GPC5: variants seen among roughly 807,000 people sequenced by gnomAD.
GPC5 encodes the protein glypican 5, also known as glypican-5.
In GPC5, 47 loss-of-function variants were observed where a neutral mutation model predicts 53.9. That is an observed-to-expected ratio of 0.87 (90% CI 0.69 to 1.11). The LOEUF (loss-of-function observed/expected upper bound fraction) is 1.11. Among genes scored for constraint, GPC5 ranks in the 50% most tolerant of loss-of-function variants. The pLI is 0.00. For missense variants in GPC5, 748 were observed against 713.1 expected, an observed-to-expected ratio of 1.05 and a Z score of -0.56; for synonymous variants, 286 against 263.3, an observed-to-expected ratio of 1.09 and a Z score of -0.84.
intron 7 of GPC5, among the ~76,000 whole-genome samples, chr13:92,494,076 G>GTTTGT (rs1555338609): frequency 6.1e-4 from 85 of 140,254 alleles, no homozygotes; most frequent in African/African-American, 1.8e-3. Context: ...TTGTTTGTTT[G>GTTTGT]TTTGTTTTGT....
rs779626956 is a variant in GPC5, at chr13:91,693,523, C to T, written c.662C>T (p.Pro221Leu). Residue 221 changes from proline (P) to leucine (L), a missense_variant, in exon 3 of 8, where the codon CCC becomes CTC. Coordinates refer to ENST00000377067, the MANE Select transcript of GPC5 (RefSeq NM_004466.6). ...GGACAGATGGGGAGGTCCCTGCTGC[C>T]CAGCCGCACTTTTCTGCAGGCACTC... ...VMGQMGRSLL[P>L]SRTFLQALNL... 2 of 1,614,030 alleles carry T rather than the reference C, an allele frequency of 1.2e-6. No individual in the cohort carries two copies. Among genetic ancestry groups the T allele is most frequent in the Non-Finnish European group, 1.7e-6 (2 of 1,179,996 alleles).
rs553095103 is a variant in GPC5 at position 91,407,907 on chromosome 13, A to T, written c.163+8698A>T. On this transcript the variant is annotated intron_variant, in intron 1 of 7. Coordinates refer to ENST00000377067, the MANE Select transcript of GPC5 (RefSeq NM_004466.6). ...TTAGAAATATTTATCTAATCTTTTT[A>T]AAAAATTTATTTTAAATCGACAGAT... is the stretch of plus-strand genomic sequence containing the variant. Among the ~76,000 whole-genome samples the T allele has an allele frequency of 3.9e-5, 6 of 152,312 alleles. No homozygotes were observed. In the South Asian group the frequency reaches 1.2e-3, roughly 32 times the overall value.
intron 6 of GPC5, among the ~76,000 whole-genome samples, chr13:92,035,225 A>AG (rs2040883412): frequency 6.6e-6 from 1 of 151,498 alleles, no homozygotes; most frequent in Non-Finnish European, 1.5e-5. Context: ...AAAAAAAAAA[A>AG]AAAAAAAGTT....
intron 2 of GPC5, among the ~76,000 whole-genome samples, chr13:91,464,806 C>T (rs1308632880): frequency 6.6e-6 from 1 of 151,934 alleles, no homozygotes; most frequent in Non-Finnish European, 1.5e-5. Flanking sequence ...TTGCATAGCA[C>T]TACACACACA....
intron 7 of GPC5, among the ~76,000 whole-genome samples, chr13:92,267,878 A>G (rs1271358467): frequency 1.3e-5 from 2 of 152,058 alleles, no homozygotes; most frequent in South Asian, 2.1e-4. Flanking sequence ...AATAGAATAA[A>G]AAATTTTTAG....
chr13:91,426,207 C>G (rs1202763133), intron 1 of GPC5, among the ~76,000 whole-genome samples: 2 of 152,036 alleles, frequency 1.3e-5, no homozygotes, highest in East Asian at 3.9e-4. Context: ...ACCACCAAGA[C>G]AACGGGGAAA....
chr13:92,052,660 T>G (rs1379859524), intron 6 of GPC5, among the ~76,000 whole-genome samples: 1 of 152,182 alleles, frequency 6.6e-6, no homozygotes, highest in African/African-American at 2.4e-5. Context: ...CACAGAGTGC[T>G]GATTGGTGAG....
chr13:91,658,958 G>C (rs2034917057), intron 2 of GPC5, among the ~76,000 whole-genome samples: 1 of 152,020 alleles, frequency 6.6e-6, no homozygotes, highest in Non-Finnish European at 1.5e-5. Flanking sequence ...GTGTTATCAG[G>C]CTATTGTGTA....
At chr13:91,487,152 T>C (rs1883652094) in intron 2 of GPC5, among the ~76,000 whole-genome samples, 1 of 151,928 alleles carries the variant, frequency 6.6e-6, no homozygotes, top group Admixed American at 6.6e-5. Flanking sequence ...AGAGAAAGCA[T>C]ACAAAATTTA....
chr13:91,824,232 A>G (rs2038540370), intron 5 of GPC5, among the ~76,000 whole-genome samples: 1 of 152,084 alleles, frequency 6.6e-6, no homozygotes, highest in Non-Finnish European at 1.5e-5. Context: ...CAATTCAACA[A>G]AAATGACATA....
intron 6 of GPC5, among the ~76,000 whole-genome samples, chr13:91,940,231 G>A (rs1311818220): frequency 1.3e-5 from 2 of 152,150 alleles, no homozygotes; most frequent in South Asian, 2.1e-4. Context: ...ACTTACAAGT[G>A]AGAACATGTG....
chr13:92,217,833 T>C (rs1157533594), intron 7 of GPC5, among the ~76,000 whole-genome samples: 1 of 151,480 alleles, frequency 6.6e-6, no homozygotes, highest in Non-Finnish European at 1.5e-5. Flanking sequence ...TACCCTAATA[T>C]GCCATAATAC....
intron 7 of GPC5, chr13:92,240,333 T>A (rs2042602429): frequency 6.6e-6 from 1 of 152,052 alleles, no homozygotes; most frequent in Non-Finnish European, 1.5e-5. Flanking sequence ...TATTAAGCAA[T>A]TCTTAGCATC....
chr13:91,632,086 A>G (rs954520992), intron 2 of GPC5, among the ~76,000 whole-genome samples: 7 of 152,212 alleles, frequency 4.6e-5, no homozygotes, highest in Non-Finnish European at 8.8e-5. Flanking sequence ...AAATGGGTCC[A>G]GGACACTGTG....
intron 4 of GPC5, among the ~76,000 whole-genome samples, chr13:91,750,584 G>A (rs1041007062): frequency 4.6e-5 from 7 of 151,486 alleles, no homozygotes; most frequent in African/African-American, 9.7e-5. Flanking sequence ...AAAAGTAGTC[G>A]TGTGCTAGCT....
chr13:92,113,208 AATG>A (rs1364653970), intron 6 of GPC5, among the ~76,000 whole-genome samples: 1 of 152,160 alleles, frequency 6.6e-6, no homozygotes, highest in African/African-American at 2.4e-5. Context: ...CATTTTAAAT[AATG>A]ATATTTAATT....
chr13:91,944,790 A>G (rs570397056), intron 6 of GPC5, among the ~76,000 whole-genome samples: 2 of 152,316 alleles, frequency 1.3e-5, no homozygotes, highest in Admixed American at 6.5e-5. Flanking sequence ...CCCTGCAATT[A>G]TGGGCGCTTA....
chr13:91,780,809 G>A (rs1403588082), intron 5 of GPC5, among the ~76,000 whole-genome samples: 2 of 152,094 alleles, frequency 1.3e-5, no homozygotes, highest in Non-Finnish European at 2.9e-5. Context: ...TTTGTTCAAG[G>A]TCAACGCCAC....
chr13:91,521,454 G>A (rs1885811663), intron 2 of GPC5, among the ~76,000 whole-genome samples: 1 of 152,166 alleles, frequency 6.6e-6, no homozygotes, highest in Admixed American at 6.5e-5. Context: ...GCATCATACA[G>A]ATAAATAGAA....
Sources: gnomAD v4.1 joint callset for allele counts (sites outside exome capture counted in the v4.1 genomes callset) on GRCh38, gnomAD v4.1.1 for gene constraint, MANE v1.5 for transcripts, NCBI Gene and HGNC (gene_info 2026-07-23, HGNC 2026-07-21) for gene names.